Variants in GGT7 observed in about 807,000 individuals in gnomAD.
The protein encoded by GGT7 is gamma-glutamyltransferase 7.
A neutral mutation model predicts 69.2 loss-of-function variants in GGT7; 30 were observed. That is an observed-to-expected ratio of 0.43 (90% CI 0.32 to 0.59). The LOEUF (loss-of-function observed/expected upper bound fraction) is 0.59, where lower values mean the gene tolerates loss of function less well. Among genes scored for constraint, GGT7 ranks in the 20% least tolerant of loss-of-function variants. The pLI, the probability that GGT7 is intolerant of heterozygous loss-of-function variation, is 0.05. For missense variants in GGT7, 733 were observed against 901.1 expected (o/e 0.81, Z 2.39); for synonymous variants, 388 against 391.8 (o/e 0.99, Z 0.12).
In GGT7 at chr20:34,849,993, G is replaced by A. The variant is rs368879321; in HGVS notation, c.1793C>T (p.Pro598Leu). 16 of 1,613,234 alleles carry A rather than the reference G, an allele frequency of 9.9e-6. No individual in the cohort carries two copies. Among genetic ancestry groups the A allele is most frequent in the East Asian group, 2.2e-5 (1 of 44,894 alleles). The change falls in exon 14 of 15, where the codon CCG (proline) becomes CTG (leucine). Residue 598 changes from proline (P) to leucine (L), a missense_variant. Physicochemically the swap from Pro to Leu is moderately conservative, Grantham distance 98 (BLOSUM62 -3). Coordinates refer to ENST00000336431, the MANE Select transcript of GGT7 (RefSeq NM_178026.3). ...CTGCAGGAGGTTGGACTGCAGGTCCGGGTGTAGGCGGCCGCGGGCCAGGCT... is the reference window on the plus strand; with the variant it reads ...CTGCAGGAGGTTGGACTGCAGGTCCAGGTGTAGGCGGCCGCGGGCCAGGCT... ...SDSLARGRLHPDLQSNLLQVD... is the reference protein window; with the variant it reads ...SDSLARGRLHLDLQSNLLQVD...
Position 34,845,248 on chromosome 20 carries a change from CT to C in GGT7, c.*79del. The C allele has an allele frequency of 2.1e-6, 3 of 1,408,026 alleles. No individual in the cohort carries two copies. The highest frequency in any genetic ancestry group is 2.1e-5 in the Admixed American group (1 of 47,552). 87.2% of individuals were successfully genotyped at this position (1,408,026 alleles called of 1,614,324 possible). The stretch of plus-strand genomic sequence containing the variant: ...GATCTGGGGCATCCCTGGGGTCCCC[CT>C]GAGACCAAACCTGGGAGAAGGAGGG... On this transcript the variant is annotated 3_prime_UTR_variant, in exon 15 of 15. Coordinates refer to ENST00000336431, the MANE Select transcript of GGT7 (RefSeq NM_178026.3).
intron 1 of GGT7, among the ~76,000 whole-genome samples, chr20:34,866,323 T>G (rs2079689834): frequency 6.6e-6 from 1 of 152,162 alleles, no homozygotes; most frequent in Admixed American, 6.5e-5. Context: ...CGTGCATGCC[T>G]GTAAGCCCAG....
intron 1 of GGT7, among the ~76,000 whole-genome samples, chr20:34,869,167 T>A (rs996656439): frequency 2.8e-4 from 43 of 151,098 alleles, no homozygotes; most frequent in East Asian, 7.8e-4. Context: ...TAAATAAATA[T>A]ATATATATAT....
intron 1 of GGT7, among the ~76,000 whole-genome samples, chr20:34,865,803 G>A (rs571544681): frequency 9.2e-5 from 14 of 152,318 alleles, no homozygotes; most frequent in Admixed American, 6.5e-4. Flanking sequence ...TCCTCTGAGT[G>A]TTATTAGCTG....
chr20:34,853,212 T>C (rs1026229421), intron 10 of GGT7, among the ~76,000 whole-genome samples: 3 of 152,180 alleles, frequency 2.0e-5, no homozygotes, highest in African/African-American at 7.2e-5. Context: ...CCCAAAGTGC[T>C]GGGATTACAG....
intron 7 of GGT7, among the ~76,000 whole-genome samples, chr20:34,858,407 G>A (rs1335026763): frequency 6.6e-6 from 1 of 152,134 alleles, no homozygotes; most frequent in Admixed American, 6.5e-5. Flanking sequence ...TGAGTCTATC[G>A]CCACATCCAG....
chr20:34,851,082 A>G (rs1601218337), intron 13 of GGT7, 149 bp downstream of exon 13: 1 of 935,428 alleles, frequency 1.1e-6, no homozygotes. Context: ...CCATGTCCAC[A>G]TTGCCCAGGA....
chr20:34,867,767 T>G (rs967902769), intron 1 of GGT7, among the ~76,000 whole-genome samples: 3 of 152,132 alleles, frequency 2.0e-5, no homozygotes, highest in Non-Finnish European at 4.4e-5. Context: ...CAAGAGTCTG[T>G]GTAACTAGAA....
chr20:34,871,935 C>G (rs1182907061), intron 1 of GGT7, among the ~76,000 whole-genome samples: 1 of 152,168 alleles, frequency 6.6e-6, no homozygotes, highest in Non-Finnish European at 1.5e-5. Flanking sequence ...CTCTTACCCC[C>G]ACTTCTCACA....
rs1601241455 is a variant in GGT7, at chr20:34,863,378, A to G, written c.340T>C (p.Cys114Arg). The G allele has an allele frequency of 6.2e-7, 1 of 1,614,004 alleles. No individual in the cohort carries two copies. The highest frequency in any genetic ancestry group is 1.1e-5 in the South Asian group (1 of 91,088). The change falls in exon 2 of 15, where the codon TGT (cysteine) becomes CGT (arginine). Residue 114 changes from cysteine (C) to arginine (R), a missense_variant. Transcript: ENST00000336431. The surrounding 1 kb of genome is among the most constrained non-coding windows in gnomAD (Gnocchi z 4.4). ...GTGACACCGGTAGCGAAGGTGAGAC[A>G]GGCCGTGACGATGACCGTGAGCCCA... ...QDGLTVIVTA[C>R]LTFATGVTVA...
intron 14 of GGT7, among the ~76,000 whole-genome samples, chr20:34,847,936 C>A (rs1256890509): frequency 6.6e-6 from 1 of 151,932 alleles, no homozygotes; most frequent in Non-Finnish European, 1.5e-5. Flanking sequence ...TACAAAAATG[C>A]AAAAATTAGC....
At chr20:34,865,965 G>C (rs1247114010) in intron 1 of GGT7, among the ~76,000 whole-genome samples, 1 of 152,096 alleles carries the variant, frequency 6.6e-6, no homozygotes, top group Non-Finnish European at 1.5e-5. Flanking sequence ...CTATGCACTA[G>C]GACTATAACC....
At position 34,864,056 on chromosome 20, in the gene GGT7, T is replaced by G. The variant is rs538081185; in HGVS notation, c.170-508A>C. ...CGGGAACAGATAGTTCCTGCCCTCATGTGGTTCATAGAGCCCTGGAAGAAA... is the reference window on the plus strand; with the variant it reads ...CGGGAACAGATAGTTCCTGCCCTCAGGTGGTTCATAGAGCCCTGGAAGAAA... On this transcript the variant is annotated intron_variant, in intron 1 of 14. Transcript: ENST00000336431. Among the ~76,000 whole-genome samples the G allele has an allele frequency of 7.2e-5, 11 of 152,262 alleles. No individual in the cohort carries two copies. The South Asian group carries it at 1.2e-3, about 17-fold the overall frequency.
intron 8 of GGT7, among the ~76,000 whole-genome samples, chr20:34,856,064 G>A (rs2079487267): frequency 6.6e-6 from 1 of 152,160 alleles, no homozygotes; most frequent in Non-Finnish European, 1.5e-5. Context: ...ATGTGCTGGG[G>A]TTATAGGCCT....
chr20:34,856,828 C>G lies in GGT7; in HGVS notation c.1080G>C (p.Lys360Asn), dbSNP rs759943238. Residue 360 changes from lysine to asparagine, a missense_variant, in exon 8 of 15, where the codon AAG becomes AAC. Physicochemically the swap from Lys to Asn is moderately conservative, Grantham distance 94. Coordinates refer to ENST00000336431, the MANE Select transcript of GGT7 (RefSeq NM_178026.3). ...CACCTCTGTACACGCCACACACAGGCTTCTCCACAAGGGCGCTGTAATTGC... is the reference window on the plus strand; with the variant it reads ...CACCTCTGTACACGCCACACACAGGGTTCTCCACAAGGGCGCTGTAATTGC... ...DFSNYSALVE[K>N]PVCGVYRGHL... 16 of 1,609,744 alleles carry G rather than the reference C, an allele frequency of 9.9e-6. No individual in the cohort carries two copies. In the East Asian group the frequency reaches 3.1e-4, roughly 31 times the overall value.
rs1450923557 is a variant in GGT7 at position 34,859,966 on chromosome 20, G to A, written c.817+3C>T. Reference sequence around the variant, plus strand: ...CTCTCCCAAATCCCCAGGCCCCACTGACCTAGATCATGAGTCACGTTGAAG... The same window carrying A: ...CTCTCCCAAATCCCCAGGCCCCACTAACCTAGATCATGAGTCACGTTGAAG... On this transcript the variant is annotated splice_donor_region_variant and intron_variant, in intron 6 of 14. Coordinates refer to ENST00000336431, the MANE Select transcript of GGT7 (RefSeq NM_178026.3). The A allele has an allele frequency of 4.5e-6, 7 of 1,546,366 alleles. No homozygotes were observed. The Admixed American group carries it at 1.3e-4, about 30-fold the overall frequency.
At chr20:34,849,834 G>A in intron 14 of GGT7, 127 bp downstream of exon 14, 1 of 588,460 alleles carries the variant, frequency 1.7e-6, no homozygotes, top group Non-Finnish European at 3.0e-6. Flanking sequence ...TGCTCCAATA[G>A]AAATTTGCCA....
At chr20:34,867,132 C>G (rs747444410) in intron 1 of GGT7, among the ~76,000 whole-genome samples, 38 of 151,982 alleles carry the variant, frequency 2.5e-4, no homozygotes, top group Non-Finnish European at 4.7e-4. Context: ...GCTATGTTCC[C>G]CAGGCTGTTC....
chr20:34,866,250 T>C (rs985684671), intron 1 of GGT7, among the ~76,000 whole-genome samples: 1 of 152,196 alleles, frequency 6.6e-6, no homozygotes, highest in East Asian at 1.9e-4. Context: ...TTTTTTTGGT[T>C]TGAAATTTTT....
Sources: gnomAD v4.1 joint callset for allele counts (sites outside exome capture counted in the v4.1 genomes callset) on GRCh38, gnomAD v4.1.1 for gene constraint, Gnocchi (gnomAD v3.1) non-coding constraint, MANE v1.5 for transcripts, NCBI Gene and HGNC (gene_info 2026-07-23, HGNC 2026-07-21) for gene names.